The following MTOR variants were observed in gnomAD, a reference collection of about 807,000 sequenced individuals.
MTOR encodes the protein serine/threonine-protein kinase mTOR.
MTOR carries 70 observed loss-of-function variants against 319.8 expected under a neutral mutation model. The observed-to-expected ratio is 0.22, with a 90% CI of 0.18 to 0.27. MTOR has a LOEUF of 0.27. Among genes scored for constraint, MTOR ranks in the 10% least tolerant of loss-of-function variants. MTOR has a pLI of 1.00. For synonymous variants in MTOR, 1,183 were observed against 1,211.4 expected (o/e 0.98, Z 0.49); for missense variants, 1,890 against 3,274.4 (o/e 0.58, Z 10.32).
At chr1:11,201,340 A>C (rs766852200) in intron 26 of MTOR, among the ~76,000 whole-genome samples, 1 of 152,226 alleles carries the variant, frequency 6.6e-6, no homozygotes, top group Admixed American at 6.5e-5. Flanking sequence ...AGCTGAGTAC[A>C]TGATATCTCC....
At chr1:11,124,184 C>T (rs1642694884) in intron 47 of MTOR, among the ~76,000 whole-genome samples, 2 of 151,670 alleles carry the variant, frequency 1.3e-5, no homozygotes, top group South Asian at 4.2e-4. Context: ...CCTACCTTGG[C>T]ATTACAAAAT....
intron 57 of MTOR, among the ~76,000 whole-genome samples, chr1:11,107,709 C>G (rs1641646368): frequency 6.6e-6 from 1 of 152,184 alleles, no homozygotes; most frequent in African/African-American, 2.4e-5. Flanking sequence ...CCAGCGCCCG[C>G]TCTCTCAAGT....
At chr1:11,168,399 C>T (rs1444602946) in intron 28 of MTOR, among the ~76,000 whole-genome samples, 1 of 152,070 alleles carries the variant, frequency 6.6e-6, no homozygotes, top group Non-Finnish European at 1.5e-5. Flanking sequence ...GTAGGAATAA[C>T]AAAATTAATC....
chr1:11,115,472 T>C lies in MTOR; in HGVS notation c.7017-4A>G, dbSNP rs1413550528. ...CAGCATCAGGTTGGATGGGTGTCTTTGAGAAACAGAAGACAGATCAGGGAG... is the reference window on the plus strand; with the variant it reads ...CAGCATCAGGTTGGATGGGTGTCTTCGAGAAACAGAAGACAGATCAGGGAG... On this transcript the variant is annotated splice_polypyrimidine_tract_variant and splice_region_variant and intron_variant, in intron 50 of 57. Transcript: ENST00000361445. This position sits in a 1 kb window ranked among gnomAD's most constrained non-coding sequence, Gnocchi z 4.5. 2 of 1,613,662 alleles carry C rather than the reference T, an allele frequency of 1.2e-6. No individual in the cohort carries two copies. Among genetic ancestry groups the C allele is most frequent in the African/African-American group, 1.3e-5 (1 of 75,010 alleles).
intron 19 of MTOR, among the ~76,000 whole-genome samples, chr1:11,226,919 ACCCCCG>A (rs1171941123): frequency 8.2e-5 from 5 of 60,930 alleles, no homozygotes; most frequent in South Asian, 5.4e-4. Context: ...TCTTCCCCCC[ACCCCCG>A]CCCCCGCCCC....
At chr1:11,253,162 T>C (rs1241708695) in intron 6 of MTOR, among the ~76,000 whole-genome samples, 1 of 152,152 alleles carries the variant, frequency 6.6e-6, no homozygotes, top group Non-Finnish European at 1.5e-5. Flanking sequence ...CAGATGTGCA[T>C]TGTGGTCCGA....
intron 29 of MTOR, among the ~76,000 whole-genome samples, chr1:11,163,250 T>C (rs1472501585): frequency 2.6e-5 from 4 of 152,320 alleles, no homozygotes; most frequent in South Asian, 2.1e-4. Flanking sequence ...CCTAAATATA[T>C]ATGCGCCCAG....
At chr1:11,197,808 G>GT (rs1645835532) in intron 28 of MTOR, among the ~76,000 whole-genome samples, 1 of 152,212 alleles carries the variant, frequency 6.6e-6, no homozygotes. Flanking sequence ...CTCCCAGAGT[G>GT]CTGGGATTAC....
At chr1:11,164,351 AAAAGAG>A (rs895226732) in intron 29 of MTOR, among the ~76,000 whole-genome samples, 1 of 149,404 alleles carries the variant, frequency 6.7e-6, no homozygotes, top group African/African-American at 2.5e-5. Context: ...AAAAAAAAAA[AAAAGAG>A]AGAGAGAGAG....
chr1:11,223,358 A>G (rs532403678), intron 19 of MTOR, among the ~76,000 whole-genome samples: 2 of 152,320 alleles, frequency 1.3e-5, no homozygotes, highest in East Asian at 3.9e-4. Context: ...AATGATTGTT[A>G]GCTTTGTAGG....
intron 15 of MTOR, 89 bp downstream of exon 15, chr1:11,233,309 T>TA: frequency 1.6e-6 from 2 of 1,250,056 alleles, no homozygotes; most frequent in Non-Finnish European, 2.3e-6. Context: ...GACCTTTCAT[T>TA]TAAAAAAAAA....
intron 26 of MTOR, 80 bp downstream of exon 26, chr1:11,204,481 T>G: frequency 6.8e-7 from 1 of 1,473,658 alleles, no homozygotes; most frequent in Non-Finnish European, 9.1e-7. Flanking sequence ...AGCCCCTTGA[T>G]TATTACTTCT....
chr1:11,136,424 T>C (rs1337828322), intron 36 of MTOR, among the ~76,000 whole-genome samples: 1 of 152,218 alleles, frequency 6.6e-6, no homozygotes, highest in Non-Finnish European at 1.5e-5. Flanking sequence ...ACCACCAACT[T>C]TGAAAAATGA....
Position 11,112,858 on chromosome 1 carries a change from A to C in MTOR, c.7360T>G (p.Ser2454Ala). Reference sequence around the variant, plus strand: ...CTCCCGTGGATGCACCTACCGACTGACTGGCCAGCAGAGTAGGAATCCGTC... The same window carrying C: ...CTCCCGTGGATGCACCTACCGACTGCCTGGCCAGCAGAGTAGGAATCCGTC... ...TRTDSYSAGQ[S>A]VEILDGVELG... Residue 2454 changes from serine (S) to alanine (A), a missense_variant, in exon 54 of 58, where the codon TCA becomes GCA. By Grantham distance (99) the Ser-to-Ala change is moderately conservative (BLOSUM62 1). Around this residue, in one of 15 missense-constraint regions of MTOR, gnomAD observed 49 missense variants for 67.6 expected, o/e 0.72. Coordinates refer to ENST00000361445, the MANE Select transcript of MTOR (RefSeq NM_004958.4). 1 of 1,614,168 alleles carries C rather than the reference A, an allele frequency of 6.2e-7. No individual in the cohort carries two copies. Among genetic ancestry groups the C allele is most frequent in the Non-Finnish European group, 8.5e-7 (1 of 1,180,036 alleles).
intron 28 of MTOR, among the ~76,000 whole-genome samples, chr1:11,192,012 A>T (rs1645556792): frequency 6.6e-6 from 1 of 152,152 alleles, no homozygotes; most frequent in Non-Finnish European, 1.5e-5. Flanking sequence ...TTCAGAGTTA[A>T]CCTGAAACCA....
intron 14 of MTOR, 121 bp downstream of exon 14, chr1:11,234,022 G>C (rs555481951): frequency 7.0e-7 from 1 of 1,432,196 alleles, no homozygotes; most frequent in Non-Finnish European, 9.7e-7. Context: ...GTCTCCAAGC[G>C]TGAGAGCAAA....
chr1:11,192,013 C>T (rs1002282159), intron 28 of MTOR, among the ~76,000 whole-genome samples: 3 of 152,124 alleles, frequency 2.0e-5, no homozygotes, highest in African/African-American at 7.2e-5. Context: ...TCAGAGTTAA[C>T]CTGAAACCAC....
chr1:11,181,400 C>T (rs1396649694), intron 28 of MTOR, among the ~76,000 whole-genome samples: 3 of 152,092 alleles, frequency 2.0e-5, no homozygotes, highest in South Asian at 2.1e-4. Context: ...TGGTGGGCAC[C>T]TGTAATTCCA....
intron 13 of MTOR, 82 bp downstream of exon 13, chr1:11,237,761 C>A: frequency 1.3e-6 from 2 of 1,482,860 alleles, no homozygotes; most frequent in Non-Finnish European, 1.9e-6. Context: ...CCATCCTTGT[C>A]CTCAACTCCG....
Sources: gnomAD v4.1 joint callset for allele counts (sites outside exome capture counted in the v4.1 genomes callset) on GRCh38, gnomAD v4.1.1 for gene constraint, gnomAD v4.1.1 regional missense constraint, Gnocchi (gnomAD v3.1) non-coding constraint, MANE v1.5 for transcripts, NCBI Gene and HGNC (gene_info 2026-07-23, HGNC 2026-07-21) for gene names.